The following CCDC146 variants were observed in gnomAD, a reference collection of about 807,000 sequenced individuals.
The protein encoded by CCDC146 is coiled-coil domain-containing protein 146.
CCDC146 carries 92 observed loss-of-function variants against 119.3 expected under a neutral mutation model. That is an observed-to-expected ratio of 0.77 (90% CI 0.65 to 0.92). CCDC146 has a LOEUF of 0.92. CCDC146 is among the 40% of genes least tolerant of loss of function. CCDC146 has a pLI of 0.00. For synonymous variants in CCDC146, 372 were observed against 371.8 expected (o/e 1.00, Z -0.01); for missense variants, 1,000 against 1,103.0 (o/e 0.91, Z 1.32).
intron 8 of CCDC146, among the ~76,000 whole-genome samples, chr7:77,260,590 T>A (rs1177633911): frequency 1.3e-5 from 2 of 152,192 alleles, no homozygotes. Flanking sequence ...ACAGAAGCAA[T>A]TTCGTGGTGT....
chr7:77,264,925 A>G (rs1184830668), intron 9 of CCDC146, among the ~76,000 whole-genome samples: 1 of 152,224 alleles, frequency 6.6e-6, no homozygotes, highest in East Asian at 1.9e-4. Flanking sequence ...TACTAGAGTC[A>G]AATATAAGTT....
intron 1 of CCDC146, among the ~76,000 whole-genome samples, chr7:77,160,601 A>AT (rs1791246501): frequency 6.6e-6 from 1 of 152,034 alleles, no homozygotes; most frequent in African/African-American, 2.4e-5. Context: ...AATGCTTGTG[A>AT]TTTTTGCACA....
chr7:77,281,153 T>A (rs1204187442), intron 14 of CCDC146, among the ~76,000 whole-genome samples: 1 of 77,832 alleles, frequency 1.3e-5, no homozygotes. Context: ...TACCGTCCTA[T>A]GTCATAAACA....
At chr7:77,227,132 G>A (rs1460511046) in intron 2 of CCDC146, among the ~76,000 whole-genome samples, 1 of 152,098 alleles carries the variant, frequency 6.6e-6, no homozygotes, top group Non-Finnish European at 1.5e-5. Context: ...ACATATTCAG[G>A]TGTTTTACCC....
intron 9 of CCDC146, among the ~76,000 whole-genome samples, chr7:77,262,531 C>T (rs1793320641): frequency 2.0e-5 from 3 of 152,190 alleles, no homozygotes; most frequent in Admixed American, 6.5e-5. Context: ...TTGTTTGGAT[C>T]AGTCATCCTT....
chr7:77,279,182 G>A lies in CCDC146; in HGVS notation c.1694+81G>A. 2.7e-6 allele frequency: 4 copies of A among 1,468,680 alleles called. No homozygotes were observed. In the South Asian group the frequency reaches 3.9e-5, roughly 14 times the overall value. The allele number at this position is 1,468,680 out of a possible 1,614,324, so 91.0% of individuals were successfully genotyped here. A position where few individuals can be genotyped will look rare whatever the true frequency, so the allele number is the denominator to read the frequency against. On this transcript the variant is annotated intron_variant, in intron 13 of 18. Coordinates refer to ENST00000285871, the MANE Select transcript of CCDC146 (RefSeq NM_020879.3). Reference sequence around the variant, plus strand: ...ACTCTAAAAATCCTGGGGATAAGAAGATAGGAAAGAGGCAGAGGCTGCAAT... The same window carrying A: ...ACTCTAAAAATCCTGGGGATAAGAAAATAGGAAAGAGGCAGAGGCTGCAAT...
chr7:77,267,492 G>T (rs1320094086), intron 9 of CCDC146, among the ~76,000 whole-genome samples: 2 of 150,800 alleles, frequency 1.3e-5, no homozygotes, highest in East Asian at 3.9e-4. Context: ...TGCTTATGAT[G>T]CTGCTACTTG....
chr7:77,150,963 T>G (rs1273150574), intron 1 of CCDC146, among the ~76,000 whole-genome samples: 1 of 152,188 alleles, frequency 6.6e-6, no homozygotes, highest in African/African-American at 2.4e-5. Flanking sequence ...CATCTATAAT[T>G]GTTTTAGTTT....
chr7:77,209,295 C>T (rs956022587), intron 2 of CCDC146, among the ~76,000 whole-genome samples: 3 of 152,226 alleles, frequency 2.0e-5, no homozygotes, highest in Admixed American at 6.5e-5. Context: ...GTACAGGCCC[C>T]ATGCAAATCC....
chr7:77,185,006 C>T (rs1791641895), intron 2 of CCDC146, among the ~76,000 whole-genome samples: 1 of 152,142 alleles, frequency 6.6e-6, no homozygotes, highest in African/African-American at 2.4e-5. Context: ...AATTAGTCCA[C>T]TTCCTGACCA....
Position 77,280,471 on chromosome 7 carries a change from C to T in CCDC146, c.1737C>T (p.Thr579=). The change falls in exon 14 of 19, where the codon ACC becomes ACT. Residue 579 remains threonine (T), a synonymous_variant. Transcript: ENST00000285871. ...NSMLKHANNV[T]IRESMQNDVR... ...TGCTGAAACACGCCAACAATGTTAC[C>T]ATCAGAGAGAGCATGCAAAACGATG... The T allele has an allele frequency of 6.2e-7, 1 of 1,613,626 alleles. No homozygotes were observed. The highest frequency in any genetic ancestry group is 2.2e-5 in the East Asian group (1 of 44,884).
At chr7:77,263,580 A>G (rs1793343726) in intron 9 of CCDC146, among the ~76,000 whole-genome samples, 1 of 152,232 alleles carries the variant, frequency 6.6e-6, no homozygotes, top group South Asian at 2.1e-4. Flanking sequence ...GTTACGAACA[A>G]CTAGGACTTG....
chr7:77,138,303 AAG>A (rs1790887350), intron 1 of CCDC146, among the ~76,000 whole-genome samples: 1 of 150,794 alleles, frequency 6.6e-6, no homozygotes, highest in African/African-American at 2.4e-5. Flanking sequence ...AAAAAAAAAA[AAG>A]AGGTATTGGA....
In CCDC146 at chr7:77,237,002, ATACCT is replaced by A. The variant is rs748868866; in HGVS notation, c.214_218del (p.Thr72AlafsTer3). On this transcript the variant is annotated frameshift_variant, in exon 3 of 19. Coordinates refer to ENST00000285871, the MANE Select transcript of CCDC146 (RefSeq NM_020879.3). LOFTEE classifies it high-confidence loss of function. Reference sequence around the variant, plus strand: ...AGAATGGCAGCGTTAAAAGCCAAGTATACCTTGCTGCATGACGCCGTGATGAGGTA... The same window carrying A: ...AGAATGGCAGCGTTAAAAGCCAAGTATGCTGCATGACGCCGTGATGAGGTA... 1.4e-5 allele frequency: 23 copies of A among 1,614,050 alleles called. No homozygotes were observed. The highest frequency in any genetic ancestry group is 1.9e-5 in the Non-Finnish European group (22 of 1,179,984).
chr7:77,143,898 G>A (rs1790975472), intron 1 of CCDC146, among the ~76,000 whole-genome samples: 2 of 151,720 alleles, frequency 1.3e-5, no homozygotes, highest in South Asian at 4.1e-4. Context: ...TGGCAATGTG[G>A]GCTCTTTTTT....
intron 17 of CCDC146, among the ~76,000 whole-genome samples, chr7:77,292,668 A>G (rs983292263): frequency 2.0e-5 from 3 of 151,854 alleles, no homozygotes; most frequent in Non-Finnish European, 4.4e-5. Flanking sequence ...CTTACCTCTT[A>G]AAAATGGGCA....
intron 1 of CCDC146, among the ~76,000 whole-genome samples, chr7:77,161,374 C>G (rs2117468742): frequency 6.6e-6 from 1 of 151,786 alleles, no homozygotes; most frequent in Admixed American, 6.6e-5. Flanking sequence ...ATAACAAAGA[C>G]TTGGAACCAA....
chr7:77,249,430 G>A lies in CCDC146; in HGVS notation c.450-5076G>A, dbSNP rs543688131. Among the ~76,000 whole-genome samples, 23 of 148,692 alleles carry A rather than the reference G, an allele frequency of 1.5e-4. 1 individual carries two copies. In the South Asian group the frequency reaches 4.9e-3, roughly 32 times the overall value. On this transcript the variant is annotated intron_variant, in intron 4 of 18. Transcript: ENST00000285871. ...TTGAACCCAGGAGGCGGAGGTTGCA[G>A]TGAGCCGAGATCGCACCACTGCACT...
chr7:77,251,711 C>A (rs1274670509), intron 4 of CCDC146, among the ~76,000 whole-genome samples: 2 of 152,108 alleles, frequency 1.3e-5, no homozygotes, highest in Non-Finnish European at 2.9e-5. Flanking sequence ...GGGAAGGGAA[C>A]CTTTGGAGCT....
Sources: gnomAD v4.1 joint callset for allele counts (sites outside exome capture counted in the v4.1 genomes callset) on GRCh38, gnomAD v4.1.1 for gene constraint, MANE v1.5 for transcripts, NCBI Gene and HGNC (gene_info 2026-07-23, HGNC 2026-07-21) for gene names.